Variants in PHACTR3 observed in about 807,000 individuals in gnomAD.
The protein encoded by PHACTR3 is protein phosphatase 1, regulatory subunit 123.
In PHACTR3, 16 loss-of-function variants were observed where a neutral mutation model predicts 66.8. The observed-to-expected ratio is 0.24, with a 90% CI of 0.16 to 0.36. PHACTR3 has a LOEUF of 0.36. PHACTR3 is among the 10% of genes least tolerant of loss of function. The pLI, the probability that PHACTR3 is intolerant of heterozygous loss-of-function variation, is 1.00. For synonymous variants in PHACTR3, 323 were observed against 292.1 expected, an observed-to-expected ratio of 1.11 and a Z score of -1.08; for missense variants, 647 against 719.9, an observed-to-expected ratio of 0.90 and a Z score of 1.16.
intron 1 of PHACTR3, among the ~76,000 whole-genome samples, chr20:59,677,270 A>C (rs754236910): frequency 3.3e-5 from 5 of 152,176 alleles, no homozygotes; most frequent in East Asian, 1.9e-4. Flanking sequence ...TGAAGCCTTC[A>C]TTTAGTGTCA....
In PHACTR3 at chr20:59,773,346, C is replaced by T; in HGVS notation, c.819C>T (p.Ser273=). ...ACCCTTCCCTCCGGGGCCAGCTCTC[C>T]ACACCCACGGGGTCTCCGCATCTCA... ...SADPSLRGQL[S]TPTGSPHLTT... Residue 273 remains serine, a synonymous_variant, in exon 6 of 13, where the codon TCC becomes TCT. Transcript: ENST00000371015. The T allele has an allele frequency of 6.2e-7, 1 of 1,614,210 alleles. No homozygotes were observed. Among genetic ancestry groups the T allele is most frequent in the Non-Finnish European group, 8.5e-7 (1 of 1,180,040 alleles).
At chr20:59,612,008 G>A (rs1052453478) in intron 1 of PHACTR3, among the ~76,000 whole-genome samples, 1 of 152,176 alleles carries the variant, frequency 6.6e-6, no homozygotes, top group Non-Finnish European at 1.5e-5. Context: ...TAGTCCTGTC[G>A]CATGGCCAAA....
intron 1 of PHACTR3, among the ~76,000 whole-genome samples, chr20:59,723,849 A>G (rs943303198): frequency 1.3e-5 from 2 of 152,046 alleles, no homozygotes; most frequent in Non-Finnish European, 2.9e-5. Flanking sequence ...GCTCAGGAGT[A>G]GAATGGTTAC....
intron 1 of PHACTR3, among the ~76,000 whole-genome samples, chr20:59,689,583 C>T (rs1256799610): frequency 6.6e-6 from 1 of 152,162 alleles, no homozygotes; most frequent in African/African-American, 2.4e-5. Flanking sequence ...GTGGATTCTC[C>T]TGGAGTCCAG....
chr20:59,784,868 A>C (rs543405460), intron 7 of PHACTR3, among the ~76,000 whole-genome samples: 4 of 152,216 alleles, frequency 2.6e-5, no homozygotes, highest in African/African-American at 9.6e-5. Flanking sequence ...GCATACCGCA[A>C]GGGCTCATTC....
intron 1 of PHACTR3, among the ~76,000 whole-genome samples, chr20:59,595,907 T>C (rs554807504): frequency 6.6e-6 from 1 of 152,330 alleles, no homozygotes; most frequent in Admixed American, 6.5e-5. Context: ...CTTTTATTTT[T>C]TTACTCTTAA....
rs1568940541 is a variant in PHACTR3 at position 59,622,988 on chromosome 20, A to AAAAAAAAAAAAAAAAAAAAAC, written c.118+17869_118+17870insAAAAAAACAAAAAAAAAAAAA. Among the ~76,000 whole-genome samples, 15 of 143,816 alleles carry AAAAAAAAAAAAAAAAAAAAAC rather than the reference A, an allele frequency of 1.0e-4. No individual in the cohort carries two copies. In the East Asian group the frequency reaches 2.8e-3, roughly 27 times the overall value. 94.3% of individuals were successfully genotyped at this position (143,816 alleles called of 152,430 possible). On this transcript the variant is annotated intron_variant, in intron 1 of 12. Transcript: ENST00000371015. ...TTTTACAGCAGCTTTAACCAAAAAA[A>AAAAAAAAAAAAAAAAAAAAAC]AAAAAAAAAAAAACCCAAATCTTCA...
intron 1 of PHACTR3, among the ~76,000 whole-genome samples, chr20:59,618,337 G>A (rs776916788): frequency 3.9e-5 from 6 of 152,146 alleles, no homozygotes; most frequent in Non-Finnish European, 1.5e-5. Flanking sequence ...GTGTGTGTGT[G>A]CGTGAGTGTG....
At chr20:59,602,525 T>C (rs1208694716), upstream of PHACTR3, among the ~76,000 whole-genome samples, 1 of 150,442 alleles carries the variant, frequency 6.6e-6, no homozygotes, top group East Asian at 2.0e-4. Context: ...TCTTAAGGGA[T>C]GGAAGGATAG....
In PHACTR3 at chr20:59,820,416, G is replaced by A. The variant is rs1406021755; in HGVS notation, c.1328+14222G>A. 6.6e-6 allele frequency among the ~76,000 whole-genome samples: 1 copy of A among 152,216 alleles called. No individual in the cohort carries two copies. The highest frequency in any genetic ancestry group is 2.4e-5 in the African/African-American group (1 of 41,454). On this transcript the variant is annotated intron_variant, in intron 8 of 12. Coordinates refer to ENST00000371015, the MANE Select transcript of PHACTR3 (RefSeq NM_080672.5). This position sits in a 1 kb window ranked among gnomAD's most constrained non-coding sequence, Gnocchi z 4.6. Reference sequence around the variant, plus strand: ...TGGCTATCATGTATGGATCTTGTACGTTCTGCTTTTAGATGGAGGTAGCTA... The same window carrying A: ...TGGCTATCATGTATGGATCTTGTACATTCTGCTTTTAGATGGAGGTAGCTA...
At chr20:59,712,155 G>GT (rs1421768977) in intron 1 of PHACTR3, among the ~76,000 whole-genome samples, 5 of 152,138 alleles carry the variant, frequency 3.3e-5, no homozygotes, top group East Asian at 1.9e-4. Flanking sequence ...CCCTGAATCA[G>GT]TTTTTTTCCC....
chr20:59,748,024 C>T (rs575067632), intron 3 of PHACTR3, among the ~76,000 whole-genome samples, 189 bp downstream of exon 3: 36 of 152,264 alleles, frequency 2.4e-4, no homozygotes, highest in African/African-American at 8.2e-4. Flanking sequence ...CCCCCAGGGG[C>T]ACGGGAGACC....
chr20:59,723,267 T>A (rs75223498), intron 1 of PHACTR3, among the ~76,000 whole-genome samples: 3,900 of 152,020 alleles, frequency 0.026, 170 homozygotes, highest in African/African-American at 0.089. Flanking sequence ...GGAAACCCCA[T>A]GTCCATTAAG....
At chr20:59,584,948 C>T (rs1242606795) in intron 1 of PHACTR3, among the ~76,000 whole-genome samples, 1 of 152,056 alleles carries the variant, frequency 6.6e-6, no homozygotes, top group Non-Finnish European at 1.5e-5. Context: ...ATGTAATCAC[C>T]CCTTTAAAAA....
At chr20:59,716,806 T>G (rs1373581623) in intron 1 of PHACTR3, among the ~76,000 whole-genome samples, 3 of 152,358 alleles carry the variant, frequency 2.0e-5, no homozygotes, top group Middle Eastern at 3.4e-3. Flanking sequence ...GATACTCTTG[T>G]GCCCAATGCA....
intron 1 of PHACTR3, among the ~76,000 whole-genome samples, chr20:59,651,326 T>C (rs868195763): frequency 6.6e-6 from 1 of 152,232 alleles, no homozygotes; most frequent in African/African-American, 2.4e-5. Flanking sequence ...AGTCACTGAA[T>C]CATGTAGTAA....
At chr20:59,664,056 A>G (rs1213805797) in intron 1 of PHACTR3, among the ~76,000 whole-genome samples, 1 of 152,184 alleles carries the variant, frequency 6.6e-6, no homozygotes, top group Admixed American at 6.5e-5. Context: ...CTAAACACTT[A>G]TGAGAGAAAA....
chr20:59,690,485 A>C (rs577729495), intron 1 of PHACTR3, among the ~76,000 whole-genome samples: 1 of 152,240 alleles, frequency 6.6e-6, no homozygotes, highest in Non-Finnish European at 1.5e-5. Flanking sequence ...AGCCAAGGTC[A>C]CATATAGCTT....
intron 1 of PHACTR3, among the ~76,000 whole-genome samples, chr20:59,721,891 A>AGAAAT (rs2038315667): frequency 6.6e-6 from 1 of 151,280 alleles, no homozygotes; most frequent in African/African-American, 2.4e-5. Flanking sequence ...AGAAAAGAAA[A>AGAAAT]GAAATACACA....
Sources: gnomAD v4.1 joint callset for allele counts (sites outside exome capture counted in the v4.1 genomes callset) on GRCh38, gnomAD v4.1.1 for gene constraint, Gnocchi (gnomAD v3.1) non-coding constraint, MANE v1.5 for transcripts, NCBI Gene and HGNC (gene_info 2026-07-23, HGNC 2026-07-21) for gene names.